The following OTOGL variants were observed in gnomAD, a reference collection of about 807,000 sequenced individuals.
The protein encoded by OTOGL is otogelin like, also known as otogelin-like protein.
OTOGL carries 285 observed loss-of-function variants against 318.5 expected under a neutral mutation model. That is an observed-to-expected ratio of 0.89 (90% confidence interval 0.81 to 0.99). The LOEUF (loss-of-function observed/expected upper bound fraction) is 0.99. Among genes scored for constraint, OTOGL ranks in the 50% least tolerant of loss-of-function variants. OTOGL has a pLI of 0.00. For synonymous variants in OTOGL, 987 were observed against 936.5 expected, an observed-to-expected ratio of 1.05 and a Z score of -0.99; for missense variants, 2,899 against 2,845.6, an observed-to-expected ratio of 1.02 and a Z score of -0.43.
In OTOGL at chr12:80,320,475, G is replaced by A; in HGVS notation, c.3856G>A (p.Val1286Ile). The A allele has an allele frequency of 6.2e-7, 1 of 1,613,438 alleles. No individual in the cohort carries two copies. Among genetic ancestry groups the A allele is most frequent in the Non-Finnish European group, 8.5e-7 (1 of 1,179,558 alleles). Residue 1286 changes from valine (V) to isoleucine (I), a missense_variant, in exon 34 of 59, where the codon GTC (valine) becomes ATC (isoleucine). By Grantham distance (29) the Val-to-Ile change is conservative. Transcript: ENST00000547103. ...SAERPNYFLY[V>I]HDNDTLSLEL... The stretch of plus-strand genomic sequence containing the variant: ...TGAAAGGCCAAACTACTTTCTCTAT[G>A]TCCATGACAATGATACTCTTAGCTT...
intron 26 of OTOGL, among the ~76,000 whole-genome samples, chr12:80,279,922 G>A (rs1244541455): frequency 2.0e-5 from 3 of 151,614 alleles, no homozygotes; most frequent in East Asian, 3.9e-4. Flanking sequence ...ATATAGCAGT[G>A]TATAAGCATT....
At chr12:80,371,537 G>C (rs1215317249) in intron 56 of OTOGL, among the ~76,000 whole-genome samples, 2 of 151,908 alleles carry the variant, frequency 1.3e-5, no homozygotes, top group African/African-American at 2.4e-5. Context: ...AGTAATTCTT[G>C]TAAAAATTTA....
intron 24 of OTOGL, among the ~76,000 whole-genome samples, chr12:80,277,487 T>C (rs573748712): frequency 4.6e-4 from 69 of 148,898 alleles, no homozygotes; most frequent in Non-Finnish European, 8.4e-4. Context: ...TATATTTAAA[T>C]GATATATTAA....
intron 27 of OTOGL, among the ~76,000 whole-genome samples, chr12:80,300,652 C>A (rs1019453243): frequency 6.6e-6 from 1 of 152,148 alleles, no homozygotes; most frequent in Non-Finnish European, 1.5e-5. Context: ...AAATGCCTAC[C>A]AATCTGGCCC....
At chr12:80,233,137 C>A (rs1879529557) in intron 9 of OTOGL, 40 bp downstream of exon 9, 2 of 1,500,108 alleles carry the variant, frequency 1.3e-6, no homozygotes, top group Non-Finnish European at 9.0e-7. Flanking sequence ...CCTTCTAAAG[C>A]CTTCTTCTTC....
chr12:80,147,144 G>A (rs1285006829), intron 1 of OTOGL, among the ~76,000 whole-genome samples: 8 of 151,994 alleles, frequency 5.3e-5, no homozygotes, highest in African/African-American at 1.9e-4. Context: ...TAATTGTGAT[G>A]TTAGGATGTC....
chr12:80,213,942 C>CT (rs1877480007), intron 4 of OTOGL, among the ~76,000 whole-genome samples: 1 of 152,254 alleles, frequency 6.6e-6, no homozygotes, highest in African/African-American at 2.4e-5. Context: ...AATAAGGACT[C>CT]AGAAATATGT....
At chr12:80,200,842 T>C (rs572500972) in intron 1 of OTOGL, among the ~76,000 whole-genome samples, 122 of 152,300 alleles carry the variant, frequency 8.0e-4, no homozygotes, top group African/African-American at 2.9e-3. Flanking sequence ...GATGGACTCA[T>C]ACAGAAATAA....
intron 4 of OTOGL, among the ~76,000 whole-genome samples, chr12:80,215,304 T>C (rs964204595): frequency 5.9e-5 from 9 of 151,914 alleles, no homozygotes; most frequent in African/African-American, 1.9e-4. Context: ...GTACTGGGAT[T>C]ATAGGCACAT....
intron 1 of OTOGL, among the ~76,000 whole-genome samples, chr12:80,151,707 A>G (rs1872794242): frequency 6.6e-6 from 1 of 152,190 alleles, no homozygotes; most frequent in South Asian, 2.1e-4. Flanking sequence ...AACAGAGGGA[A>G]TGATGGTGGT....
Position 80,307,779 on chromosome 12 carries a change from C to T in OTOGL, c.3333+2084C>T, listed in dbSNP as rs1383806660. Among the ~76,000 whole-genome samples the T allele has an allele frequency of 5.0e-5, 7 of 139,536 alleles. No individual in the cohort carries two copies. In the South Asian group the frequency reaches 1.4e-3, roughly 27 times the overall value. The allele number at this position is 139,536 out of a possible 152,430, so 91.5% of individuals were successfully genotyped here. A position where few individuals can be genotyped will look rare whatever the true frequency, so the allele number is the denominator to read the frequency against. ...CTCCCTCCCGGACGGGGTGGCTGGC[C>T]GGGCAGAGGGGCTCCTCACTTCCCA... is the stretch of plus-strand genomic sequence containing the variant. On this transcript the variant is annotated intron_variant, in intron 29 of 58. Transcript: ENST00000547103.
Position 80,217,633 on chromosome 12 carries a change from T to C in OTOGL, c.204T>C (p.Asp68=). 6.4e-7 allele frequency: 1 copy of C among 1,555,246 alleles called. No individual in the cohort carries two copies. Among genetic ancestry groups the C allele is most frequent in the Non-Finnish European group, 8.7e-7 (1 of 1,149,154 alleles). ...CTTCTCCGAGATACTTTTTCCATGA[T>C]GCTATTAATTGGGGTGAGAGCAAAA... is the stretch of plus-strand genomic sequence containing the variant. ...EATSPRYFFH[D]AINWGESKIK... The change falls in exon 5 of 59, where the codon GAT becomes GAC. Residue 68 remains aspartate (D), a synonymous_variant. Transcript: ENST00000547103.
chr12:80,249,944 G>C (rs12313867), intron 11 of OTOGL, among the ~76,000 whole-genome samples: 22,391 of 151,256 alleles, frequency 0.15, 2,466 homozygotes, highest in African/African-American at 0.31. Context: ...GCGTCCGTCA[G>C]CCCTTTCTTT....
Position 80,211,948 on chromosome 12 carries a change from G to A in OTOGL, c.120-1G>A. On this transcript the variant is annotated splice_acceptor_variant, in intron 3 of 58. Coordinates refer to ENST00000547103, the MANE Select transcript of OTOGL (RefSeq NM_001378609.3). LOFTEE classifies it high-confidence loss of function. The stretch of plus-strand genomic sequence containing the variant: ...TACAAGTTCTTTTTGTTTTCTTCCA[G>A]AAACGGGTTTAATGAAAATCGACAG... 6.4e-7 allele frequency: 1 copy of A among 1,565,896 alleles called. No homozygotes were observed. Among genetic ancestry groups the A allele is most frequent in the African/African-American group, 1.3e-5 (1 of 74,472 alleles).
At chr12:80,376,600 C>T (rs1891188243) in intron 57 of OTOGL, among the ~76,000 whole-genome samples, 1 of 152,056 alleles carries the variant, frequency 6.6e-6, no homozygotes, top group African/African-American at 2.4e-5. Flanking sequence ...ATGACTCATC[C>T]ATACACTTCA....
intron 33 of OTOGL, among the ~76,000 whole-genome samples, chr12:80,319,873 C>T (rs1887210374): frequency 1.3e-5 from 2 of 152,068 alleles, no homozygotes; most frequent in Admixed American, 1.3e-4. Context: ...GGGAAATGGA[C>T]AATAATGTTG....
chr12:80,231,774 A>G (rs139613701), intron 8 of OTOGL, among the ~76,000 whole-genome samples: 10,095 of 151,350 alleles, frequency 0.067, 457 homozygotes, highest in Middle Eastern at 0.11. Flanking sequence ...AGCTGGGACT[A>G]CAGGCACGTG....
intron 18 of OTOGL, 144 bp from the exon 19 acceptor site, chr12:80,261,825 C>G (rs1882549144): frequency 7.8e-6 from 8 of 1,028,996 alleles, no homozygotes. Context: ...TATCGTTGTA[C>G]TTTTTTTTAA....
intron 7 of OTOGL, among the ~76,000 whole-genome samples, chr12:80,224,728 G>T (rs993755617): frequency 2.6e-5 from 4 of 151,984 alleles, no homozygotes; most frequent in Non-Finnish European, 4.4e-5. Context: ...GGCCACTGTT[G>T]GTGTATAGTA....
Sources: allele counts gnomAD v4.1 joint callset (sites outside exome capture counted in the v4.1 genomes callset), GRCh38; gene constraint gnomAD v4.1.1; transcripts MANE v1.5; gene names NCBI Gene and HGNC (gene_info 2026-07-23, HGNC 2026-07-21).